The following PCDH11X variants were observed in gnomAD, a reference collection of about 807,000 sequenced individuals.
PCDH11X encodes protocadherin 11 X-linked.
Under a neutral mutation model 53.3 loss-of-function variants are expected in PCDH11X, and 18 were observed. That is an observed-to-expected ratio of 0.34 (90% CI 0.23 to 0.50). The LOEUF (loss-of-function observed/expected upper bound fraction) is 0.50. Ranked by LOEUF, PCDH11X falls within the 20% of genes least tolerant of loss-of-function variation. The probability of loss-of-function intolerance (pLI) is 0.98; values close to 1 mark genes in which losing one functional copy is unlikely to be tolerated. For missense variants in PCDH11X, 570 were observed against 1,032.4 expected, an observed-to-expected ratio of 0.55 and a Z score of 6.14; for synonymous variants, 279 against 393.3, an observed-to-expected ratio of 0.71 and a Z score of 3.44.
At chrX:92,186,683 G>A (rs1034838973) in intron 6 of PCDH11X, among the ~76,000 whole-genome samples, 23 of 108,171 alleles carry the variant, frequency 2.1e-4, no homozygotes, top group African/African-American at 7.4e-4. Context: ...TAATATTGAA[G>A]GGGAGTATAG....
intron 6 of PCDH11X, among the ~76,000 whole-genome samples, chrX:92,136,919 A>C (rs1432632334): frequency 1.9e-5 from 2 of 104,587 alleles, no homozygotes; most frequent in African/African-American, 7.0e-5. Context: ...TTTTACCTTC[A>C]CAATAATAAA....
chrX:92,209,854 C>A (rs191963873), intron 7 of PCDH11X, among the ~76,000 whole-genome samples: 1 of 112,444 alleles, frequency 8.9e-6, no homozygotes, highest in Non-Finnish European at 1.9e-5. Flanking sequence ...TAGGCGGAGG[C>A]TCCCAAGCCT....
chrX:92,331,187 A>G lies in PCDH11X; in HGVS notation c.3145-56548A>G, dbSNP rs934448286. 5.5e-4 allele frequency among the ~76,000 whole-genome samples: 60 copies of G among 109,691 alleles called. 2 individuals carry two copies. The highest frequency in any genetic ancestry group is 1.3e-4 in the Non-Finnish European group (7 of 52,443). On this transcript the variant is annotated intron_variant, in intron 8 of 10. Coordinates refer to ENST00000682573, the MANE Select transcript of PCDH11X (RefSeq NM_032968.5). The stretch of plus-strand genomic sequence containing the variant: ...AATGTAGCCTTGTAGGAATGTCTGA[A>G]TCCCTTGCAAAACAGTAGTCATTAA...
chrX:91,942,928 TAAAAG>T (rs1010276646), intron 6 of PCDH11X, among the ~76,000 whole-genome samples: 81 of 104,429 alleles, frequency 7.8e-4, no homozygotes, highest in African/African-American at 2.6e-3. Context: ...ATTCAGTGCT[TAAAAG>T]AAATGATATA....
chrX:92,128,355 A>G (rs867587045), intron 6 of PCDH11X, among the ~76,000 whole-genome samples: 1 of 106,463 alleles, frequency 9.4e-6, no homozygotes, highest in South Asian at 4.0e-4. Context: ...ACAAATAACT[A>G]AAAAAAAAAT....
At chrX:92,531,819 G>A (rs2074560957) in intron 10 of PCDH11X, among the ~76,000 whole-genome samples, 1 of 111,152 alleles carries the variant, frequency 9.0e-6, no homozygotes, top group South Asian at 3.8e-4. Flanking sequence ...CCAAGGGACT[G>A]GAAATAAAAA....
chrX:92,601,534 A>G (rs1032075847), intron 10 of PCDH11X, among the ~76,000 whole-genome samples: 3 of 108,008 alleles, frequency 2.8e-5, no homozygotes, highest in African/African-American at 6.9e-5. Flanking sequence ...TAAAATTACC[A>G]TATGACCCAA....
intron 1 of PCDH11X, among the ~76,000 whole-genome samples, chrX:91,794,192 A>G (rs1056493975): frequency 2.7e-5 from 3 of 112,440 alleles, no homozygotes; most frequent in South Asian, 3.6e-4. Flanking sequence ...GCCTTTACAT[A>G]TAACCATTTA....
chrX:92,063,438 C>A, intron 6 of PCDH11X, among the ~76,000 whole-genome samples: 1 of 110,696 alleles, frequency 9.0e-6, no homozygotes, highest in Non-Finnish European at 1.9e-5. Flanking sequence ...ACAGACATTT[C>A]ATGTATCTCC....
At chrX:92,266,659 A>G (rs1315663829) in intron 8 of PCDH11X, among the ~76,000 whole-genome samples, 1 of 111,810 alleles carries the variant, frequency 8.9e-6, no homozygotes, top group Non-Finnish European at 1.9e-5. Flanking sequence ...GTTGTTATCC[A>G]TGTGGTTAAT....
intron 9 of PCDH11X, among the ~76,000 whole-genome samples, chrX:92,424,953 A>C (rs1379438691): frequency 1.0e-5 from 1 of 97,502 alleles, no homozygotes; most frequent in Admixed American, 1.1e-4. Context: ...AGCACAGAGG[A>C]GGTTTCTCTG....
intron 4 of PCDH11X, among the ~76,000 whole-genome samples, chrX:91,822,823 T>G (rs1309765486): frequency 8.9e-6 from 1 of 111,769 alleles, no homozygotes; most frequent in African/African-American, 3.3e-5. Flanking sequence ...TGCTATAAAT[T>G]TCCCTCTACA....
chrX:92,088,348 A>T (rs74634825), intron 6 of PCDH11X, among the ~76,000 whole-genome samples: 1 of 110,815 alleles, frequency 9.0e-6, no homozygotes, highest in Admixed American at 9.7e-5. Context: ...TCACTGTTTT[A>T]GATAAAGTAT....
chrX:92,475,362 T>C lies in PCDH11X; in HGVS notation c.3367+7040T>C, dbSNP rs762049935. On this transcript the variant is annotated intron_variant, in intron 10 of 10. Coordinates refer to ENST00000682573, the MANE Select transcript of PCDH11X (RefSeq NM_032968.5). ...TATTTCCTGAAGGACAGGTCTGGTG[T>C]TGTTAAAATCCTTCAGCTTTTGTTT... Among the ~76,000 whole-genome samples the C allele has an allele frequency of 9.1e-4, 101 of 110,685 alleles. 1 individual carries two copies. Among genetic ancestry groups the C allele is most frequent in the South Asian group, 3.8e-4 (1 of 2,632 alleles).
intron 10 of PCDH11X, among the ~76,000 whole-genome samples, chrX:92,563,443 T>C (rs1252849184): frequency 9.1e-6 from 1 of 109,335 alleles, no homozygotes; most frequent in Non-Finnish European, 1.9e-5. Flanking sequence ...TACATTTCAA[T>C]GTAAGATTTG....
chrX:92,163,410 T>C (rs2065676575), intron 6 of PCDH11X, among the ~76,000 whole-genome samples: 1 of 109,937 alleles, frequency 9.1e-6, no homozygotes, highest in Non-Finnish European at 1.9e-5. Context: ...TCCTTCTCCC[T>C]GTGGTCTTTT....
Position 91,836,049 on chromosome X carries a change from G to A in PCDH11X, c.540+5G>A, listed in dbSNP as rs1437427489. 2.6e-5 allele frequency: 31 copies of A among 1,204,860 alleles called. No homozygotes were observed. Among genetic ancestry groups the A allele is most frequent in the East Asian group, 5.9e-5 (2 of 33,637 alleles). On this transcript the variant is annotated splice_donor_5th_base_variant and intron_variant, in intron 5 of 10. Coordinates refer to ENST00000682573, the MANE Select transcript of PCDH11X (RefSeq NM_032968.5). ...CAAAACTACGAACTAATTAAGGTGCGTTTTAAAATCACTTTGTTAAAGATA... is the reference window on the plus strand; with the variant it reads ...CAAAACTACGAACTAATTAAGGTGCATTTTAAAATCACTTTGTTAAAGATA...
intron 6 of PCDH11X, among the ~76,000 whole-genome samples, chrX:91,937,231 A>G (rs1340245277): frequency 3.6e-5 from 4 of 110,607 alleles, no homozygotes; most frequent in Non-Finnish European, 7.6e-5. Flanking sequence ...TTTAAATAAT[A>G]GTACATATCA....
intron 6 of PCDH11X, among the ~76,000 whole-genome samples, chrX:91,991,798 TC>T (rs1213295152): frequency 9.0e-6 from 1 of 110,628 alleles, no homozygotes; most frequent in Non-Finnish European, 1.9e-5. Context: ...TTTTATTAAA[TC>T]ATTATCATAT....
Sources: allele counts gnomAD v4.1 joint callset (sites outside exome capture counted in the v4.1 genomes callset), GRCh38; gene constraint gnomAD v4.1.1; transcripts MANE v1.5; gene names NCBI Gene and HGNC (gene_info 2026-07-23, HGNC 2026-07-21).